The following PTPRM variants were observed in gnomAD, a reference collection of about 807,000 sequenced individuals.
PTPRM encodes the protein protein tyrosine phosphatase receptor type M.
Under a neutral mutation model 186.7 loss-of-function variants are expected in PTPRM, and 47 were observed. The observed-to-expected ratio is 0.25, with a 90% CI of 0.20 to 0.32. The LOEUF (loss-of-function observed/expected upper bound fraction) is 0.32. Ranked by LOEUF, PTPRM falls within the 10% of genes least tolerant of loss-of-function variation. PTPRM has a pLI of 1.00. For synonymous variants in PTPRM, 668 were observed against 674.9 expected (o/e 0.99, Z 0.16); for missense variants, 1,494 against 1,865.0 (o/e 0.80, Z 3.66).
chr18:7,873,595 A>G (rs113817760), intron 2 of PTPRM, among the ~76,000 whole-genome samples: 5,077 of 152,268 alleles, frequency 0.033, 287 homozygotes, highest in African/African-American at 0.11. Context: ...AGCAACAGTA[A>G]CACCACCACC....
chr18:7,778,743 G>C (rs2042713412), intron 2 of PTPRM, among the ~76,000 whole-genome samples: 1 of 152,098 alleles, frequency 6.6e-6, no homozygotes, highest in Non-Finnish European at 1.5e-5. Flanking sequence ...GCCTACCAAA[G>C]TTCTAGGATT....
intron 14 of PTPRM, among the ~76,000 whole-genome samples, chr18:8,178,629 C>CA (rs1041748271): frequency 4.0e-5 from 6 of 151,210 alleles, no homozygotes; most frequent in African/African-American, 9.7e-5. Flanking sequence ...ACTAAAAATA[C>CA]AAAAAAAACT....
chr18:7,857,068 C>T (rs1246842134), intron 2 of PTPRM, among the ~76,000 whole-genome samples: 2 of 152,194 alleles, frequency 1.3e-5, no homozygotes, highest in East Asian at 3.9e-4. Context: ...CACATGCCAT[C>T]TCTTCTGGGA....
intron 2 of PTPRM, among the ~76,000 whole-genome samples, chr18:7,794,108 A>G (rs1036988347): frequency 3.9e-5 from 6 of 152,266 alleles, no homozygotes; most frequent in African/African-American, 1.4e-4. Context: ...CTTCCACTCA[A>G]TAAAACCTCG....
At chr18:7,963,074 C>T (rs2053789369) in intron 7 of PTPRM, among the ~76,000 whole-genome samples, 1 of 152,228 alleles carries the variant, frequency 6.6e-6, no homozygotes, top group Admixed American at 6.5e-5. Flanking sequence ...ATTTTCAATA[C>T]ATGAAGCCAT....
intron 6 of PTPRM, among the ~76,000 whole-genome samples, chr18:7,950,253 A>G (rs1241902578): frequency 6.6e-6 from 1 of 152,128 alleles, no homozygotes; most frequent in African/African-American, 2.4e-5. Flanking sequence ...AAAATAAAAA[A>G]AGCTAGCCAG....
chr18:8,329,540 T>G (rs906102258), intron 22 of PTPRM, among the ~76,000 whole-genome samples: 17 of 152,286 alleles, frequency 1.1e-4, no homozygotes, highest in Non-Finnish European at 2.1e-4. Context: ...ACCCATGTAC[T>G]TTCCAAAGTG....
intron 1 of PTPRM, among the ~76,000 whole-genome samples, chr18:7,679,861 A>G (rs1453761879): frequency 6.8e-6 from 1 of 146,756 alleles, no homozygotes; most frequent in Non-Finnish European, 1.5e-5. Flanking sequence ...ACTTTTTTTG[A>G]AAAAAAAAAT....
intron 1 of PTPRM, among the ~76,000 whole-genome samples, chr18:7,685,538 A>C (rs2039582223): frequency 6.6e-6 from 1 of 152,226 alleles, no homozygotes; most frequent in Non-Finnish European, 1.5e-5. Context: ...TATTGTGAGA[A>C]GGAGTCTATG....
chr18:7,902,764 T>G (rs151238178), intron 3 of PTPRM, among the ~76,000 whole-genome samples: 1 of 152,052 alleles, frequency 6.6e-6, no homozygotes, highest in Non-Finnish European at 1.5e-5. Context: ...ATCCATTCTG[T>G]GACGCGATGG....
chr18:8,314,649 TA>T, intron 20 of PTPRM, 131 bp from the exon 21 acceptor site: 1 of 555,460 alleles, frequency 1.8e-6, no homozygotes, highest in Non-Finnish European at 3.2e-6. Context: ...GGGTGTGTAC[TA>T]TTTAATTCTT....
In PTPRM at chr18:7,643,073, G is replaced by T. The variant is rs565338476; in HGVS notation, c.73+75182G>T. On this transcript the variant is annotated intron_variant, in intron 1 of 32. Coordinates refer to ENST00000580170, the MANE Select transcript of PTPRM (RefSeq NM_001105244.2). ...AATACTGTCTTATTCCCTTAAAAAG[G>T]ATATTCCTTATGCTCTGGTACAAGA... is the stretch of plus-strand genomic sequence containing the variant. Among the ~76,000 whole-genome samples the T allele has an allele frequency of 1.8e-4, 27 of 151,860 alleles. No individual in the cohort carries two copies. In the South Asian group the frequency reaches 5.6e-3, roughly 32 times the overall value.
intron 3 of PTPRM, among the ~76,000 whole-genome samples, chr18:7,895,077 A>T (rs1178270302): frequency 6.6e-6 from 1 of 152,238 alleles, no homozygotes; most frequent in Non-Finnish European, 1.5e-5. Flanking sequence ...ACAGTAAAAG[A>T]ACATACACTT....
intron 19 of PTPRM, among the ~76,000 whole-genome samples, chr18:8,262,778 G>A (rs778265078): frequency 2.6e-5 from 4 of 152,108 alleles, no homozygotes; most frequent in Admixed American, 1.3e-4. Flanking sequence ...TATTCAGTAC[G>A]TATTTGACAA....
At chr18:7,883,170 G>A (rs964644299) in intron 2 of PTPRM, among the ~76,000 whole-genome samples, 1 of 152,104 alleles carries the variant, frequency 6.6e-6, no homozygotes, top group Non-Finnish European at 1.5e-5. Context: ...GAACACAAAC[G>A]GAATTTCTAT....
chr18:7,853,645 T>G (rs897862647), intron 2 of PTPRM, among the ~76,000 whole-genome samples: 1 of 152,226 alleles, frequency 6.6e-6, no homozygotes, highest in African/African-American at 2.4e-5. Flanking sequence ...TTGTTGGCTA[T>G]TAAGAGCATC....
At chr18:7,650,330 C>G (rs11876323) in intron 1 of PTPRM, among the ~76,000 whole-genome samples, 20,705 of 151,566 alleles carry the variant, frequency 0.14, 2,180 homozygotes, top group African/African-American at 0.3. Flanking sequence ...GTCTTTAAAA[C>G]AAATAATTTA....
chr18:7,878,724 G>A (rs889127196), intron 2 of PTPRM, among the ~76,000 whole-genome samples: 1 of 152,098 alleles, frequency 6.6e-6, no homozygotes, highest in Non-Finnish European at 1.5e-5. Flanking sequence ...AGACCATACT[G>A]AGTAGCATAG....
intron 1 of PTPRM, among the ~76,000 whole-genome samples, chr18:7,745,027 A>G (rs2040956621): frequency 6.6e-6 from 1 of 152,034 alleles, no homozygotes; most frequent in Non-Finnish European, 1.5e-5. Flanking sequence ...TCTAACTTTT[A>G]TTGAACTGGG....
Sources: gnomAD v4.1 joint callset for allele counts (sites outside exome capture counted in the v4.1 genomes callset) on GRCh38, gnomAD v4.1.1 for gene constraint, MANE v1.5 for transcripts, NCBI Gene and HGNC (gene_info 2026-07-23, HGNC 2026-07-21) for gene names.